Variants in ANKH observed in about 807,000 individuals in gnomAD.
The protein encoded by ANKH is mineralization regulator ANKH.
In ANKH, 15 loss-of-function variants were observed where a neutral mutation model predicts 49.0. The observed-to-expected ratio is 0.31, with a 90% confidence interval of 0.20 to 0.47. ANKH has a LOEUF of 0.47. Ranked by LOEUF, ANKH falls within the 20% of genes least tolerant of loss-of-function variation. The pLI, the probability that ANKH is intolerant of heterozygous loss-of-function variation, is 1.00. For missense variants in ANKH, 429 were observed against 652.0 expected, an observed-to-expected ratio of 0.66 and a Z score of 3.72; for synonymous variants, 273 against 260.0, an observed-to-expected ratio of 1.05 and a Z score of -0.48.
intron 1 of ANKH, among the ~76,000 whole-genome samples, chr5:14,835,292 C>T (rs916580122): frequency 8.5e-5 from 13 of 152,160 alleles, no homozygotes; most frequent in African/African-American, 3.1e-4. Flanking sequence ...ACTGCTGTCC[C>T]TCTGGTTAGT....
At chr5:14,744,969 C>A (rs1177995282) in intron 7 of ANKH, among the ~76,000 whole-genome samples, 1 of 152,204 alleles carries the variant, frequency 6.6e-6, no homozygotes, top group Non-Finnish European at 1.5e-5. Context: ...GGTCCAAGGC[C>A]AAGCTGCCCA....
intron 4 of ANKH, 89 bp downstream of exon 4, chr5:14,755,772 G>T (rs1488861720): frequency 1.6e-6 from 2 of 1,233,516 alleles, no homozygotes; most frequent in Admixed American, 3.4e-5. Flanking sequence ...AGAGTGTACT[G>T]CACAGTGAAT....
intron 2 of ANKH, 132 bp from the exon 3 acceptor site, chr5:14,758,730 G>GA (rs370217798): frequency 2.7e-6 from 2 of 745,228 alleles, no homozygotes; most frequent in Non-Finnish European, 4.7e-6. Context: ...TAAGCAAATA[G>GA]AAAAAAATCA....
intron 8 of ANKH, among the ~76,000 whole-genome samples, chr5:14,729,502 G>T (rs978686912): frequency 8.7e-5 from 13 of 149,662 alleles, no homozygotes; most frequent in African/African-American, 3.2e-4. Flanking sequence ...AAAAAAAAAA[G>T]TCTTCTAATT....
At chr5:14,832,857 G>C (rs1230797777) in intron 1 of ANKH, among the ~76,000 whole-genome samples, 4 of 152,178 alleles carry the variant, frequency 2.6e-5, no homozygotes, top group Non-Finnish European at 5.9e-5. Context: ...TGGCTATCGA[G>C]ATACTGAAAA....
In ANKH at chr5:14,709,393, T is replaced by G. The variant is rs1737071935; in HGVS notation, c.*1804A>C. Reference sequence around the variant, plus strand: ...TAATTTTTCAGTACTCATATATGTATTAATGGAGGAAAAGCCACTCTGAGG... The same window carrying G: ...TAATTTTTCAGTACTCATATATGTAGTAATGGAGGAAAAGCCACTCTGAGG... On this transcript the variant is annotated 3_prime_UTR_variant, in exon 12 of 12. Transcript: ENST00000284268. 1 of 152,210 alleles carries G rather than the reference T, an allele frequency of 6.6e-6. No homozygotes were observed. Among genetic ancestry groups the G allele is most frequent in the African/African-American group, 2.4e-5 (1 of 41,434 alleles). 9.4% of individuals were successfully genotyped at this position (152,210 alleles called of 1,614,324 possible).
At position 14,797,852 on chromosome 5, in the gene ANKH, A is replaced by G; in HGVS notation, c.97-28661T>C. 3.1e-6 allele frequency: 5 copies of G among 1,611,736 alleles called. No individual in the cohort carries two copies. In the South Asian group the frequency reaches 5.5e-5, roughly 18 times the overall value. ...GCCCACTGAGATTTAGGTTCCAAGA[A>G]AGCCCATAGCCTTCCTTCTGATGTC... On this transcript the variant is annotated intron_variant, in intron 1 of 11. Transcript: ENST00000284268.
rs1015288456 is a variant in ANKH, at chr5:14,705,459, G to A, written c.*5738C>T. 1.3e-5 allele frequency: 2 copies of A among 152,212 alleles called. No individual in the cohort carries two copies. Among genetic ancestry groups the A allele is most frequent in the Non-Finnish European group, 2.9e-5 (2 of 68,042 alleles). The allele number at this position is 152,212 out of a possible 1,614,324, so 9.4% of individuals were successfully genotyped here. ...GGCTCAAGCCTCCCATTGGACAGAT[G>A]AGCAAGGTGAGGCCAAGAAGCGTGA... On this transcript the variant is annotated 3_prime_UTR_variant, in exon 12 of 12. Transcript: ENST00000284268.
chr5:14,736,503 T>C (rs1336475758), intron 8 of ANKH, among the ~76,000 whole-genome samples: 1 of 152,154 alleles, frequency 6.6e-6, no homozygotes, highest in Non-Finnish European at 1.5e-5. Flanking sequence ...ATTGGCAGGG[T>C]CCCAAGGGCT....
At chr5:14,764,427 T>C (rs1405976170) in intron 2 of ANKH, among the ~76,000 whole-genome samples, 1 of 152,130 alleles carries the variant, frequency 6.6e-6, no homozygotes, top group Non-Finnish European at 1.5e-5. Context: ...AGTTCAGCTG[T>C]CCCAACAGAG....
At chr5:14,750,014 A>G (rs988846699) in intron 5 of ANKH, among the ~76,000 whole-genome samples, 1 of 152,192 alleles carries the variant, frequency 6.6e-6, no homozygotes. Flanking sequence ...TGGTGGCTAA[A>G]TGTTAAGAGA....
intron 1 of ANKH, among the ~76,000 whole-genome samples, chr5:14,819,538 A>G (rs891097839): frequency 7.2e-5 from 11 of 152,038 alleles, no homozygotes; most frequent in Non-Finnish European, 1.5e-4. Context: ...TTTTGGTGCA[A>G]GCTCCCACTG....
intron 1 of ANKH, among the ~76,000 whole-genome samples, chr5:14,834,608 C>T (rs939444396): frequency 6.6e-6 from 1 of 152,118 alleles, no homozygotes; most frequent in Non-Finnish European, 1.5e-5. Flanking sequence ...TGGTGAAACT[C>T]TGTCTCTAAA....
At chr5:14,798,501 TTAA>T (rs1248677650) in intron 1 of ANKH, 94 of 936,164 alleles carry the variant, frequency 1.0e-4, no homozygotes, top group Middle Eastern at 3.4e-4. Flanking sequence ...ATTTTTTTTT[TTAA>T]TTAACAAATT....
intron 5 of ANKH, among the ~76,000 whole-genome samples, chr5:14,749,868 G>T (rs566350822): frequency 6.6e-6 from 1 of 152,288 alleles, no homozygotes; most frequent in African/African-American, 2.4e-5. Context: ...AAAGAACAAG[G>T]GATTCCTAAG....
intron 1 of ANKH, among the ~76,000 whole-genome samples, chr5:14,803,447 T>C (rs1183309461): frequency 6.6e-6 from 1 of 151,994 alleles, no homozygotes; most frequent in Non-Finnish European, 1.5e-5. Context: ...TCCCAACTAA[T>C]TTTTGTGTTT....
intron 8 of ANKH, among the ~76,000 whole-genome samples, chr5:14,738,934 A>G (rs76766992): frequency 0.018 from 2,776 of 152,284 alleles, 97 homozygotes; most frequent in African/African-American, 0.064. Flanking sequence ...TGTGTTTGTT[A>G]ACTTGTTACT....
intron 1 of ANKH, among the ~76,000 whole-genome samples, chr5:14,777,888 G>C (rs1739679210): frequency 6.6e-6 from 1 of 152,204 alleles, no homozygotes; most frequent in South Asian, 2.1e-4. Flanking sequence ...CAGTAACAGA[G>C]TGGTCCCCTA....
intron 1 of ANKH, among the ~76,000 whole-genome samples, chr5:14,838,205 A>G (rs1237197627): frequency 6.6e-6 from 1 of 152,130 alleles, no homozygotes; most frequent in Admixed American, 6.6e-5. Flanking sequence ...TGGCACATGT[A>G]TACATATGTC....
Sources: gnomAD v4.1 joint callset for allele counts (sites outside exome capture counted in the v4.1 genomes callset) on GRCh38, gnomAD v4.1.1 for gene constraint, MANE v1.5 for transcripts, NCBI Gene and HGNC (gene_info 2026-07-23, HGNC 2026-07-21) for gene names.